Variants in C4orf36 observed in about 807,000 individuals in gnomAD.
C4orf36 encodes the protein uncharacterized protein C4orf36.
A neutral mutation model predicts 12.2 loss-of-function variants in C4orf36; 11 were observed. The observed-to-expected ratio is 0.90, with a 90% confidence interval of 0.57 to 1.49. The LOEUF (loss-of-function observed/expected upper bound fraction) is 1.49. C4orf36 is among the 40% of genes most tolerant of loss of function. The pLI is 0.00. For missense variants in C4orf36, 137 were observed against 133.9 expected, an observed-to-expected ratio of 1.02 and a Z score of -0.11; for synonymous variants, 54 against 51.3, an observed-to-expected ratio of 1.05 and a Z score of -0.22.
chr4:86,908,238 G>T, the C4orf36 span, among the ~76,000 whole-genome samples: 1 of 151,442 alleles, frequency 6.6e-6, no homozygotes, highest in Non-Finnish European at 1.5e-5. Context: ...GTTTGGATGA[G>T]CATATATGTG....
At chr4:86,907,235 G>A in the C4orf36 span, among the ~76,000 whole-genome samples, 1 of 152,096 alleles carries the variant, frequency 6.6e-6, no homozygotes, top group Non-Finnish European at 1.5e-5. Flanking sequence ...TTTTAGTAGG[G>A]AAAAGGGCGA....
the C4orf36 span, among the ~76,000 whole-genome samples, chr4:86,911,363 C>T: frequency 6.6e-6 from 1 of 152,184 alleles, no homozygotes; most frequent in Admixed American, 6.5e-5. Flanking sequence ...TCATCCTACA[C>T]CCCCACTCTT....
At chr4:86,929,666 C>T in the C4orf36 span, among the ~76,000 whole-genome samples, 74 of 152,336 alleles carry the variant, frequency 4.9e-4, no homozygotes, top group Non-Finnish European at 2.5e-4. Context: ...TAGATACGAA[C>T]TCTCTGAGAA....
chr4:86,925,855 C>T, the C4orf36 span: 4 of 144,800 alleles, frequency 2.8e-5, no homozygotes, highest in African/African-American at 7.6e-5. Flanking sequence ...ATTTCTTTGA[C>T]TATATCATCT....
intron 4 of C4orf36, among the ~76,000 whole-genome samples, chr4:86,880,952 G>A (rs1045676088): frequency 2.7e-5 from 4 of 150,338 alleles, no homozygotes; most frequent in Non-Finnish European, 4.4e-5. Flanking sequence ...AAAATTGCAT[G>A]AACCCAGGAG....
At chr4:86,913,984 A>G in the C4orf36 span, 1 of 1,576,994 alleles carries the variant, frequency 6.3e-7, no homozygotes. Context: ...ATGTAGGCAG[A>G]AAACAGTCTG....
At chr4:86,894,261 A>T (rs548337432), upstream of C4orf36, among the ~76,000 whole-genome samples, 32 of 152,322 alleles carry the variant, frequency 2.1e-4, no homozygotes, top group Admixed American at 1.7e-3. Context: ...TACATCACAC[A>T]GATAAGTGTA....
chr4:86,930,691 T>C, the C4orf36 span, among the ~76,000 whole-genome samples: 5 of 152,204 alleles, frequency 3.3e-5, no homozygotes, highest in East Asian at 9.6e-4. Context: ...TACAACTACA[T>C]GACTAAAAAG....
chr4:86,929,344 T>G, the C4orf36 span, among the ~76,000 whole-genome samples: 11 of 152,202 alleles, frequency 7.2e-5, no homozygotes, highest in Non-Finnish European at 1.3e-4. Context: ...TGTGGCCTTT[T>G]TTTATTTTAT....
At chr4:86,897,375 AC>A (rs748406316), upstream of C4orf36, among the ~76,000 whole-genome samples, 5 of 152,114 alleles carry the variant, frequency 3.3e-5, no homozygotes, top group Admixed American at 2.0e-4. Context: ...AAGAAAAAAA[AC>A]ATACATACAT....
chr4:86,935,385 C>CT, the C4orf36 span: 1 of 152,268 alleles, frequency 6.6e-6, no homozygotes, highest in Non-Finnish European at 1.5e-5. Context: ...GGCGTTCCCA[C>CT]TTTTCCGGTG....
chr4:86,933,876 A>C, the C4orf36 span, among the ~76,000 whole-genome samples: 2 of 152,204 alleles, frequency 1.3e-5, no homozygotes. Context: ...CAATCTCCCG[A>C]TGGGAGGATA....
At chr4:86,891,429 GA>G (rs1747409963) in intron 2 of C4orf36, 26 bp downstream of exon 2, 1 of 1,483,052 alleles carries the variant, frequency 6.7e-7, no homozygotes, top group Non-Finnish European at 9.0e-7. Flanking sequence ...TGCTTACCCT[GA>G]TTTAAAAAAA....
chr4:86,893,745 G>T (rs979920789), upstream of C4orf36, among the ~76,000 whole-genome samples: 8 of 152,050 alleles, frequency 5.3e-5, no homozygotes, highest in Non-Finnish European at 1.5e-5. Flanking sequence ...CAGCATTTCT[G>T]CTCTACCACC....
the C4orf36 span, among the ~76,000 whole-genome samples, chr4:86,928,316 A>C: frequency 1.3e-5 from 2 of 152,170 alleles, no homozygotes; most frequent in Non-Finnish European, 2.9e-5. Flanking sequence ...GGATCTGTAG[A>C]AGCTGGGGCT....
chr4:86,919,975 G>A, the C4orf36 span, among the ~76,000 whole-genome samples: 1 of 152,160 alleles, frequency 6.6e-6, no homozygotes, highest in Non-Finnish European at 1.5e-5. Flanking sequence ...GCTGCAATGA[G>A]CTATGATCAC....
the C4orf36 span, among the ~76,000 whole-genome samples, chr4:86,900,449 A>G: frequency 6.6e-6 from 1 of 152,190 alleles, no homozygotes; most frequent in Non-Finnish European, 1.5e-5. Context: ...ATTTGAAGAT[A>G]GGGCCTTTCA....
At chr4:86,909,090 G>C in the C4orf36 span, among the ~76,000 whole-genome samples, 1 of 152,162 alleles carries the variant, frequency 6.6e-6, no homozygotes, top group Non-Finnish European at 1.5e-5. Flanking sequence ...CCATAGAATG[G>C]CTGCTGGTTC....
rs1039546554 is a variant in C4orf36, at chr4:86,892,357, CGCACACGCCTCGGGGCCGCGCCGCAG to C, written c.-274_-249del. The C allele has an allele frequency of 4.3e-5, 42 of 985,488 alleles. No individual in the cohort carries two copies. The highest frequency in any genetic ancestry group is 6.1e-5 in the Admixed American group (1 of 16,288). 61.0% of individuals were successfully genotyped at this position (985,488 alleles called of 1,614,324 possible). On this transcript the variant is annotated 5_prime_UTR_variant, in exon 1 of 5. Coordinates refer to ENST00000295898, the MANE Select transcript of C4orf36 (RefSeq NM_144645.4). ...GCGCTGCGCTAAGCGCACATGGCCG[CGCACACGCCTCGGGGCCGCGCCGCAG>C]GCACACGCCTCCTTCCCGCTCGCCG...
Sources: allele counts gnomAD v4.1 joint callset (sites outside exome capture counted in the v4.1 genomes callset), GRCh38; gene constraint gnomAD v4.1.1; transcripts MANE v1.5; gene names NCBI Gene and HGNC (gene_info 2026-07-23, HGNC 2026-07-21).